CCDC148: variants seen among roughly 807,000 people sequenced by gnomAD.
CCDC148 encodes the protein coiled-coil domain-containing protein 148.
A neutral mutation model predicts 85.7 loss-of-function variants in CCDC148; 89 were observed. The observed-to-expected ratio is 1.04, with a 90% CI of 0.87 to 1.24. The LOEUF is 1.24. Among genes scored for constraint, CCDC148 ranks in the 50% most tolerant of loss-of-function variants. The pLI is 0.00. For missense variants in CCDC148, 692 were observed against 671.7 expected (o/e 1.03, Z -0.33); for synonymous variants, 230 against 213.9 (o/e 1.08, Z -0.66).
At chr2:158,239,182 CA>C (rs999852573) in intron 10 of CCDC148, among the ~76,000 whole-genome samples, 1 of 152,076 alleles carries the variant, frequency 6.6e-6, no homozygotes. Flanking sequence ...AAAGTACAGT[CA>C]AAAATTTATA....
At chr2:158,403,931 C>A (rs1685893779) in intron 1 of CCDC148, among the ~76,000 whole-genome samples, 1 of 152,086 alleles carries the variant, frequency 6.6e-6, no homozygotes, top group Non-Finnish European at 1.5e-5. Context: ...TGTGCAGATA[C>A]AACAAGTCTG....
chr2:158,286,205 C>T (rs923823591), intron 9 of CCDC148, among the ~76,000 whole-genome samples: 1 of 151,908 alleles, frequency 6.6e-6, no homozygotes. Context: ...ATAGCAAAGA[C>T]ACCAAATATG....
At chr2:158,298,165 A>C (rs1691279547) in intron 9 of CCDC148, among the ~76,000 whole-genome samples, 1 of 152,106 alleles carries the variant, frequency 6.6e-6, no homozygotes, top group Non-Finnish European at 1.5e-5. Context: ...GGAGAACAGG[A>C]TGGGGGAAAC....
chr2:158,376,635 A>C (rs1028718702), intron 1 of CCDC148, among the ~76,000 whole-genome samples: 8 of 152,104 alleles, frequency 5.3e-5, no homozygotes, highest in African/African-American at 1.9e-4. Context: ...GGAAGTAAAT[A>C]AATGAAGGGG....
chr2:158,435,384 A>G (rs908885304), intron 1 of CCDC148, among the ~76,000 whole-genome samples: 30 of 152,236 alleles, frequency 2.0e-4, no homozygotes, highest in Non-Finnish European at 3.7e-4. Flanking sequence ...ACTAAGCTTC[A>G]TAAGTGAAGG....
chr2:158,383,698 GC>G (rs1684971010), intron 1 of CCDC148, among the ~76,000 whole-genome samples: 2 of 152,230 alleles, frequency 1.3e-5, no homozygotes, highest in Admixed American at 1.3e-4. Context: ...GAAAACTGTT[GC>G]CCTGATTTCC....
At chr2:158,292,572 C>A (rs1690945024) in intron 9 of CCDC148, among the ~76,000 whole-genome samples, 1 of 152,166 alleles carries the variant, frequency 6.6e-6, no homozygotes, top group South Asian at 2.1e-4. Flanking sequence ...GAAATCAAGA[C>A]TCGAGTCTTT....
chr2:158,385,461 T>C (rs997143282), intron 1 of CCDC148, among the ~76,000 whole-genome samples: 1 of 152,110 alleles, frequency 6.6e-6, no homozygotes, highest in Non-Finnish European at 1.5e-5. Flanking sequence ...CTGATATTAT[T>C]ATGTATAATT....
chr2:158,281,431 A>G (rs1312925910), intron 9 of CCDC148, among the ~76,000 whole-genome samples: 2 of 152,156 alleles, frequency 1.3e-5, no homozygotes, highest in Non-Finnish European at 2.9e-5. Context: ...GCAATAAAAA[A>G]TGATAAAGGG....
intron 9 of CCDC148, among the ~76,000 whole-genome samples, chr2:158,258,051 G>C (rs1689079219): frequency 6.6e-6 from 1 of 151,782 alleles, no homozygotes; most frequent in African/African-American, 2.4e-5. Flanking sequence ...AAATTAAGAG[G>C]ACTAGATCAG....
At chr2:158,278,169 C>A (rs1690051427) in intron 9 of CCDC148, among the ~76,000 whole-genome samples, 1 of 152,108 alleles carries the variant, frequency 6.6e-6, no homozygotes, top group African/African-American at 2.4e-5. Flanking sequence ...ATAGGAACAG[C>A]TCCAGTCTAC....
rs1370459866 is a variant in CCDC148, at chr2:158,264,874, T to C, written c.1111-13962A>G. Reference sequence around the variant, plus strand: ...TAACCTCTGAAATGAATGTTCTGAGTAGATAAACACTAGAATAACGTGCAT... The same window carrying C: ...TAACCTCTGAAATGAATGTTCTGAGCAGATAAACACTAGAATAACGTGCAT... On this transcript the variant is annotated intron_variant, in intron 9 of 13. Coordinates refer to ENST00000283233, the MANE Select transcript of CCDC148 (RefSeq NM_138803.4). Among the ~76,000 whole-genome samples, 3 of 152,134 alleles carry C rather than the reference T, an allele frequency of 2.0e-5. No individual in the cohort carries two copies. The East Asian group carries it at 5.8e-4, about 29-fold the overall frequency.
At chr2:158,279,795 G>C (rs539725623) in intron 9 of CCDC148, among the ~76,000 whole-genome samples, 3 of 151,770 alleles carry the variant, frequency 2.0e-5, no homozygotes. Flanking sequence ...GATACTCCTC[G>C]AGAAGACCAA....
intron 9 of CCDC148, among the ~76,000 whole-genome samples, chr2:158,267,827 T>C (rs1447116431): frequency 6.6e-6 from 1 of 152,192 alleles, no homozygotes; most frequent in Non-Finnish European, 1.5e-5. Flanking sequence ...TAGAACGTTA[T>C]ATAAAAGGCA....
intron 2 of CCDC148, among the ~76,000 whole-genome samples, chr2:158,349,529 T>C (rs1172555753): frequency 6.6e-6 from 1 of 151,936 alleles, no homozygotes; most frequent in African/African-American, 2.4e-5. Flanking sequence ...TATCTTAGCA[T>C]TCAGGACATT....
At chr2:158,290,640 T>A (rs1304923733) in intron 9 of CCDC148, among the ~76,000 whole-genome samples, 2 of 152,192 alleles carry the variant, frequency 1.3e-5, no homozygotes, top group African/African-American at 4.8e-5. Context: ...TTTTCTTTGC[T>A]TTATACTTTT....
Position 158,301,002 on chromosome 2 carries a change from G to A in CCDC148, c.1110+8431C>T, listed in dbSNP as rs543177484. Among the ~76,000 whole-genome samples, 5 of 152,192 alleles carry A rather than the reference G, an allele frequency of 3.3e-5. No individual in the cohort carries two copies. In the South Asian group the frequency reaches 8.3e-4, roughly 25 times the overall value. Reference sequence around the variant, plus strand: ...CCTGAGTAGCTAGAACTACATGCACGCACCACTACTCCTGGCTGTTTTTTT... The same window carrying A: ...CCTGAGTAGCTAGAACTACATGCACACACCACTACTCCTGGCTGTTTTTTT... On this transcript the variant is annotated intron_variant, in intron 9 of 13. Coordinates refer to ENST00000283233, the MANE Select transcript of CCDC148 (RefSeq NM_138803.4).
intron 1 of CCDC148, among the ~76,000 whole-genome samples, chr2:158,404,206 A>G (rs1685903984): frequency 6.6e-6 from 1 of 151,996 alleles, no homozygotes; most frequent in Admixed American, 6.6e-5. Context: ...AATCCAGGGC[A>G]CTCCTGAGGT....
intron 9 of CCDC148, among the ~76,000 whole-genome samples, chr2:158,281,374 C>T (rs1258229734): frequency 6.6e-6 from 1 of 152,110 alleles, no homozygotes; most frequent in East Asian, 1.9e-4. Flanking sequence ...AATTGATAGA[C>T]CGCTGGCAGA....
Sources: gnomAD v4.1 joint callset for allele counts (sites outside exome capture counted in the v4.1 genomes callset) on GRCh38, gnomAD v4.1.1 for gene constraint, MANE v1.5 for transcripts, NCBI Gene and HGNC (gene_info 2026-07-23, HGNC 2026-07-21) for gene names.